Variants in HS3ST5 observed in about 807,000 individuals in gnomAD.
HS3ST5 encodes heparan sulfate-glucosamine 3-sulfotransferase 5.
A neutral mutation model predicts 25.4 loss-of-function variants in HS3ST5; 10 were observed. The observed-to-expected ratio is 0.39, with a 90% confidence interval of 0.24 to 0.67. The LOEUF is 0.67. HS3ST5 is among the 30% of genes least tolerant of loss of function. The pLI is 0.44. For synonymous variants in HS3ST5, 170 were observed against 162.4 expected (o/e 1.05, Z -0.36); for missense variants, 324 against 420.7 (o/e 0.77, Z 2.01).
intron 3 of HS3ST5, among the ~76,000 whole-genome samples, chr6:114,161,295 C>G (rs1252199289): frequency 6.6e-6 from 1 of 151,146 alleles, no homozygotes; most frequent in African/African-American, 2.4e-5. Flanking sequence ...ACATAAATTA[C>G]CATCAAACTT....
At chr6:114,341,254 AGAGAGAGT>A (rs1418696851) in intron 1 of HS3ST5, among the ~76,000 whole-genome samples, 4 of 149,670 alleles carry the variant, frequency 2.7e-5, no homozygotes, top group Non-Finnish European at 3.0e-5. Flanking sequence ...AGAGAGAGAG[AGAGAGAGT>A]GAGTCCCACC....
At chr6:114,168,777 A>G (rs1779334353) in intron 2 of HS3ST5, among the ~76,000 whole-genome samples, 1 of 152,144 alleles carries the variant, frequency 6.6e-6, no homozygotes, top group African/African-American at 2.4e-5. Context: ...GTATAGCAGA[A>G]CCTTGTTTCT....
At chr6:114,164,733 G>A (rs1779127535) in intron 3 of HS3ST5, among the ~76,000 whole-genome samples, 2 of 152,108 alleles carry the variant, frequency 1.3e-5, no homozygotes, top group South Asian at 2.1e-4. Flanking sequence ...AAAGAAATTT[G>A]GGTAATTTTC....
chr6:114,272,189 T>C (rs1773664420), intron 1 of HS3ST5, among the ~76,000 whole-genome samples: 1 of 152,170 alleles, frequency 6.6e-6, no homozygotes, highest in African/African-American at 2.4e-5. Context: ...TTCCTATGTC[T>C]TTACATGTAC....
At chr6:114,201,010 A>G (rs1295899831) in intron 2 of HS3ST5, among the ~76,000 whole-genome samples, 1 of 152,206 alleles carries the variant, frequency 6.6e-6, no homozygotes, top group East Asian at 1.9e-4. Flanking sequence ...TCCAGTTGAG[A>G]AGACTGGCTG....
intron 3 of HS3ST5, among the ~76,000 whole-genome samples, chr6:114,137,705 G>A (rs549321245): frequency 4.7e-4 from 71 of 152,314 alleles, no homozygotes; most frequent in African/African-American, 1.7e-3. Context: ...TTCATGGCAA[G>A]TCACTGCTCC....
chr6:114,133,771 A>C (rs1396254235), intron 3 of HS3ST5, among the ~76,000 whole-genome samples: 1 of 152,222 alleles, frequency 6.6e-6, no homozygotes, highest in Non-Finnish European at 1.5e-5. Context: ...TATGTGCAGG[A>C]CATTTCAGTA....
intron 2 of HS3ST5, among the ~76,000 whole-genome samples, chr6:114,228,267 C>G (rs574957405): frequency 1.9e-4 from 29 of 152,212 alleles, no homozygotes; most frequent in African/African-American, 6.7e-4. Flanking sequence ...TCCCTCCTCC[C>G]AATTTCATGT....
intron 2 of HS3ST5, among the ~76,000 whole-genome samples, chr6:114,177,960 A>T (rs539046813): frequency 2.0e-5 from 3 of 152,310 alleles, no homozygotes; most frequent in African/African-American, 7.2e-5. Flanking sequence ...AAACATGAAA[A>T]TTTTTTGGAA....
At position 114,261,904 on chromosome 6, in the gene HS3ST5, G is replaced by T. The variant is rs78495383; in HGVS notation, c.-338-33126C>A. On this transcript the variant is annotated intron_variant, in intron 1 of 4. Transcript: ENST00000312719. ...TACAGGCATGATGCTGAATGAGGAA[G>T]ACAGTCTGTGTCCTCGTGGAACTTA... Among the ~76,000 whole-genome samples the T allele has an allele frequency of 9.8e-3, 1,491 of 152,298 alleles. 13 individuals carry two copies. Among genetic ancestry groups the T allele is most frequent in the Non-Finnish European group, 0.016 (1,060 of 68,022 alleles).
intron 1 of HS3ST5, among the ~76,000 whole-genome samples, chr6:114,277,774 G>C (rs1773924774): frequency 6.6e-6 from 1 of 151,942 alleles, no homozygotes; most frequent in Admixed American, 6.6e-5. Flanking sequence ...ATTATTCAAG[G>C]TCGTTTTAAA....
intron 3 of HS3ST5, among the ~76,000 whole-genome samples, chr6:114,133,357 A>G (rs973644247): frequency 4.6e-5 from 7 of 152,244 alleles, no homozygotes; most frequent in Non-Finnish European, 7.4e-5. Flanking sequence ...GAGGACACCA[A>G]TGGATAGGGA....
intron 2 of HS3ST5, among the ~76,000 whole-genome samples, chr6:114,204,323 T>C (rs1428005709): frequency 1.3e-5 from 2 of 152,186 alleles, no homozygotes; most frequent in East Asian, 3.9e-4. Flanking sequence ...CACTTTGAGG[T>C]ATCAGTTTCT....
At chr6:114,203,344 T>G (rs1158149628) in intron 2 of HS3ST5, among the ~76,000 whole-genome samples, 1 of 152,134 alleles carries the variant, frequency 6.6e-6, no homozygotes, top group Non-Finnish European at 1.5e-5. Flanking sequence ...TTCCTGAAAT[T>G]AACTCCCTCC....
rs181882188 is a variant in HS3ST5 at position 114,099,615 on chromosome 6, A to G, written c.-32-36738T>C. On this transcript the variant is annotated intron_variant, in intron 3 of 4. Coordinates refer to ENST00000312719, the MANE Select transcript of HS3ST5 (RefSeq NM_153612.4). ...CCAATAAATCAAACTAAGTGGATTC[A>G]GCTCTCTAAGCTAGCATGGAGGGAA... Among the ~76,000 whole-genome samples, 35 of 152,310 alleles carry G rather than the reference A, an allele frequency of 2.3e-4. No individual in the cohort carries two copies. In the East Asian group the frequency reaches 5.2e-3, roughly 23 times the overall value.
chr6:114,327,508 T>C (rs1014729630), intron 1 of HS3ST5, among the ~76,000 whole-genome samples: 15 of 152,228 alleles, frequency 9.9e-5, no homozygotes, highest in African/African-American at 3.6e-4. Flanking sequence ...GAATATAGCA[T>C]TTATAATGGC....
At chr6:114,177,641 A>G (rs1207166434) in intron 2 of HS3ST5, among the ~76,000 whole-genome samples, 1 of 152,238 alleles carries the variant, frequency 6.6e-6, no homozygotes, top group Admixed American at 6.5e-5. Context: ...TTATTCTGAA[A>G]TCCATTTCTG....
At chr6:114,135,575 C>G (rs1777554074) in intron 3 of HS3ST5, among the ~76,000 whole-genome samples, 1 of 152,190 alleles carries the variant, frequency 6.6e-6, no homozygotes, top group African/African-American at 2.4e-5. Context: ...CCTGGCTCAT[C>G]TGCTCACTCT....
intron 2 of HS3ST5, among the ~76,000 whole-genome samples, chr6:114,226,095 C>T (rs1377995761): frequency 1.3e-5 from 2 of 151,930 alleles, no homozygotes; most frequent in South Asian, 2.1e-4. Flanking sequence ...ACGTATGTTA[C>T]ACCAGAGAAT....
Sources: gnomAD v4.1 joint callset for allele counts (sites outside exome capture counted in the v4.1 genomes callset) on GRCh38, gnomAD v4.1.1 for gene constraint, MANE v1.5 for transcripts, NCBI Gene and HGNC (gene_info 2026-07-23, HGNC 2026-07-21) for gene names.